Variants in LRBA observed in about 807,000 individuals in gnomAD.
The protein encoded by LRBA is lipopolysaccharide-responsive and beige-like anchor protein.
A neutral mutation model predicts 330.0 loss-of-function variants in LRBA; 176 were observed. That is an observed-to-expected ratio of 0.53 (90% CI 0.47 to 0.60). The LOEUF (loss-of-function observed/expected upper bound fraction) is 0.60, where lower values mean the gene tolerates loss of function less well. Ranked by LOEUF, LRBA falls within the 20% of genes least tolerant of loss-of-function variation. The pLI is 0.00. For missense variants in LRBA, 3,259 were observed against 3,444.8 expected, an observed-to-expected ratio of 0.95 and a Z score of 1.35; for synonymous variants, 1,230 against 1,193.0, an observed-to-expected ratio of 1.03 and a Z score of -0.64.
chr4:150,683,726 GAA>G lies in LRBA; in HGVS notation c.5755-11_5755-10del. The G allele has an allele frequency of 1.3e-6, 2 of 1,494,754 alleles. No individual in the cohort carries two copies. The highest frequency in any genetic ancestry group is 9.0e-7 in the Non-Finnish European group (1 of 1,111,380). The allele number at this position is 1,494,754 out of a possible 1,614,324, so 92.6% of individuals were successfully genotyped here. A position where few individuals can be genotyped will look rare whatever the true frequency, so the allele number is the denominator to read the frequency against. On this transcript the variant is annotated splice_polypyrimidine_tract_variant and intron_variant, in intron 36 of 56. Transcript: ENST00000651943. ...TACTGGGCACACAGTGACTTGGAGA[GAA>G]AAAAAAATAATACTATAAAAAATGT...
chr4:150,952,344 G>A (rs1315703497), intron 2 of LRBA, among the ~76,000 whole-genome samples: 1 of 152,120 alleles, frequency 6.6e-6, no homozygotes, highest in Non-Finnish European at 1.5e-5. Flanking sequence ...AAATGTGTAG[G>A]ATGTATATGG....
At chr4:150,528,238 C>T (rs745776009) in intron 40 of LRBA, among the ~76,000 whole-genome samples, 2 of 151,892 alleles carry the variant, frequency 1.3e-5, no homozygotes, top group African/African-American at 2.4e-5. Context: ...AAGAATGATA[C>T]GTTGTAATCC....
intron 17 of LRBA, among the ~76,000 whole-genome samples, chr4:150,882,567 G>A (rs1728516614): frequency 6.6e-6 from 1 of 152,082 alleles, no homozygotes; most frequent in South Asian, 2.1e-4. Context: ...CAATCTATTT[G>A]ACTATGCTTA....
intron 4 of LRBA, among the ~76,000 whole-genome samples, chr4:150,923,661 T>C (rs984819454): frequency 1.3e-5 from 2 of 152,158 alleles, no homozygotes; most frequent in Non-Finnish European, 2.9e-5. Flanking sequence ...ACAATAAAAA[T>C]GAAAAATCTC....
At chr4:150,555,788 A>ACACACACAC (rs1554054001) in intron 40 of LRBA, among the ~76,000 whole-genome samples, 3 of 101,132 alleles carry the variant, frequency 3.0e-5, no homozygotes, top group African/African-American at 1.3e-4. Context: ...CACACACACA[A>ACACACACAC]ACAAATAGAA....
intron 36 of LRBA, among the ~76,000 whole-genome samples, chr4:150,707,970 C>T (rs1785798110): frequency 6.6e-6 from 1 of 151,624 alleles, no homozygotes; most frequent in Admixed American, 6.6e-5. Flanking sequence ...ACAAAAATTA[C>T]CTATGACATC....
intron 36 of LRBA, among the ~76,000 whole-genome samples, chr4:150,697,351 A>AAAAAAAAAAT (rs1491393713): frequency 6.8e-6 from 1 of 147,974 alleles, no homozygotes; most frequent in Non-Finnish European, 1.5e-5. Context: ...AAAAAAAAAA[A>AAAAAAAAAAT]CAGGGAGAGT....
At chr4:150,435,344 C>T (rs1199152487) in intron 46 of LRBA, among the ~76,000 whole-genome samples, 1 of 152,114 alleles carries the variant, frequency 6.6e-6, no homozygotes, top group African/African-American at 2.4e-5. Flanking sequence ...GAGCAAGACT[C>T]TGTCTCCAAA....
intron 44 of LRBA, among the ~76,000 whole-genome samples, chr4:150,444,534 C>T (rs947874854): frequency 4.6e-5 from 7 of 152,206 alleles, no homozygotes; most frequent in South Asian, 2.1e-4. Flanking sequence ...TAGGGTATTT[C>T]GTTATATGCT....
chr4:150,969,438 A>C (rs1739277415), intron 2 of LRBA, among the ~76,000 whole-genome samples: 1 of 152,206 alleles, frequency 6.6e-6, no homozygotes, highest in South Asian at 2.1e-4. Flanking sequence ...GAGAGGTTCA[A>C]GACTTCCATG....
intron 2 of LRBA, among the ~76,000 whole-genome samples, chr4:150,952,406 CAAA>C (rs1736933885): frequency 6.6e-6 from 1 of 152,030 alleles, no homozygotes; most frequent in African/African-American, 2.4e-5. Flanking sequence ...ATGGCTACCT[CAAA>C]GAAGTGGGTT....
At chr4:150,279,480 GA>G (rs965138374) in intron 55 of LRBA, among the ~76,000 whole-genome samples, 14 of 152,080 alleles carry the variant, frequency 9.2e-5, no homozygotes, top group African/African-American at 1.7e-4. Context: ...AAGCCAGAAA[GA>G]AAAAAACCTA....
intron 49 of LRBA, among the ~76,000 whole-genome samples, chr4:150,324,111 G>T (rs1488590850): frequency 6.6e-6 from 1 of 152,166 alleles, no homozygotes; most frequent in Non-Finnish European, 1.5e-5. Flanking sequence ...ATGAGCATGA[G>T]CCTTCCCCGC....
rs560913801 is a variant in LRBA at position 150,835,751 on chromosome 4, G to A, written c.4570-3775C>T. Among the ~76,000 whole-genome samples, 36 of 152,112 alleles carry A rather than the reference G, an allele frequency of 2.4e-4. No homozygotes were observed. The South Asian group carries it at 6.9e-3, about 29-fold the overall frequency. On this transcript the variant is annotated intron_variant, in intron 28 of 56. Coordinates refer to ENST00000651943, the MANE Select transcript of LRBA (RefSeq NM_001364905.1). ...ATACAATCATGTCATCTGCAAACAG[G>A]GACAATTTGACTTCCTCTTTTCCTA...
intron 47 of LRBA, among the ~76,000 whole-genome samples, chr4:150,385,963 C>T (rs916381293): frequency 1.3e-5 from 2 of 152,126 alleles, no homozygotes; most frequent in Non-Finnish European, 2.9e-5. Flanking sequence ...AAGGCTGACT[C>T]GGCCTCGTCT....
At chr4:150,600,525 TG>T (rs1332612555) in intron 37 of LRBA, among the ~76,000 whole-genome samples, 2 of 152,176 alleles carry the variant, frequency 1.3e-5, no homozygotes, top group African/African-American at 4.8e-5. Flanking sequence ...CAGTAGAGAC[TG>T]ATCTCTGAAA....
chr4:150,903,161 T>C (rs1180784542), intron 13 of LRBA, among the ~76,000 whole-genome samples: 2 of 152,082 alleles, frequency 1.3e-5, no homozygotes, highest in Non-Finnish European at 2.9e-5. Flanking sequence ...AGAGGAGGAT[T>C]GCTTGAGGCC....
chr4:150,953,488 G>A (rs555441607), intron 2 of LRBA, among the ~76,000 whole-genome samples: 2 of 151,728 alleles, frequency 1.3e-5, no homozygotes, highest in South Asian at 4.2e-4. Context: ...CCTCAGCCTG[G>A]GAGTGCCTGG....
intron 42 of LRBA, among the ~76,000 whole-genome samples, chr4:150,474,964 T>C (rs2152072905): frequency 6.6e-6 from 1 of 152,314 alleles, no homozygotes; most frequent in African/African-American, 2.4e-5. Context: ...GAAATTTCTT[T>C]AGTTGAAAGT....
Sources: gnomAD v4.1 joint callset for allele counts (sites outside exome capture counted in the v4.1 genomes callset) on GRCh38, gnomAD v4.1.1 for gene constraint, MANE v1.5 for transcripts, NCBI Gene and HGNC (gene_info 2026-07-23, HGNC 2026-07-21) for gene names.